Variants in SPAG16 observed in about 807,000 individuals in gnomAD.
SPAG16 encodes sperm associated antigen 16, also known as sperm-associated antigen 16 protein.
Under a neutral mutation model 80.4 loss-of-function variants are expected in SPAG16, and 86 were observed. The observed-to-expected ratio is 1.07, with a 90% CI of 0.90 to 1.28. The LOEUF (loss-of-function observed/expected upper bound fraction) is 1.28. Ranked by LOEUF, SPAG16 falls within the 50% of genes most tolerant of loss-of-function variation. The probability of loss-of-function intolerance (pLI) is 0.00; values close to 1 mark genes in which losing one functional copy is unlikely to be tolerated. For missense variants in SPAG16, 870 were observed against 765.3 expected (o/e 1.14, Z -1.61); for synonymous variants, 294 against 265.9 (o/e 1.11, Z -1.03).
At chr2:213,916,998 A>T (rs570144484) in intron 11 of SPAG16, among the ~76,000 whole-genome samples, 2 of 152,116 alleles carry the variant, frequency 1.3e-5, no homozygotes, top group African/African-American at 2.4e-5. Flanking sequence ...GTCCAGTGTC[A>T]ATCTTTTGCA....
At chr2:214,098,081 C>T (rs1025262098) in intron 13 of SPAG16, among the ~76,000 whole-genome samples, 11 of 152,160 alleles carry the variant, frequency 7.2e-5, no homozygotes, top group African/African-American at 2.6e-4. Flanking sequence ...ATATCCAAGT[C>T]TGTTTAGATA....
intron 10 of SPAG16, among the ~76,000 whole-genome samples, chr2:213,792,644 C>A (rs2070776310): frequency 1.6e-5 from 2 of 125,532 alleles, no homozygotes; most frequent in African/African-American, 6.1e-5. Context: ...AGTGCAGTGG[C>A]TTGATCCTGG....
chr2:214,140,158 C>A (rs1436997602), intron 14 of SPAG16, among the ~76,000 whole-genome samples: 4 of 152,092 alleles, frequency 2.6e-5, no homozygotes, highest in East Asian at 1.9e-4. Flanking sequence ...CTCATGGGCT[C>A]AGAATAAATC....
chr2:213,717,880 A>G (rs1436285636), intron 10 of SPAG16, among the ~76,000 whole-genome samples: 1 of 152,174 alleles, frequency 6.6e-6, no homozygotes, highest in Non-Finnish European at 1.5e-5. Context: ...CATAAGACCC[A>G]AAACCATAAA....
intron 5 of SPAG16, among the ~76,000 whole-genome samples, chr2:213,324,210 CATTCTT>C (rs2126159021): frequency 6.6e-6 from 1 of 152,204 alleles, no homozygotes; most frequent in South Asian, 2.1e-4. Flanking sequence ...CTACTTTTGT[CATTCTT>C]ATTTCACTTC....
chr2:213,306,860 T>C (rs2062961574), intron 3 of SPAG16, among the ~76,000 whole-genome samples: 2 of 152,332 alleles, frequency 1.3e-5, no homozygotes, highest in African/African-American at 4.8e-5. Context: ...CTCAAGACTG[T>C]CTTTTCTGCC....
At chr2:214,361,433 T>C (rs1339681018) in intron 15 of SPAG16, among the ~76,000 whole-genome samples, 1 of 151,844 alleles carries the variant, frequency 6.6e-6, no homozygotes. Context: ...GGCCTTTGTT[T>C]CTAAGCTTAT....
intron 10 of SPAG16, among the ~76,000 whole-genome samples, chr2:213,861,242 G>T (rs759415017): frequency 1.5e-4 from 23 of 152,094 alleles, no homozygotes; most frequent in Non-Finnish European, 2.9e-4. Context: ...AAACTGTGTA[G>T]GTCTAATTTA....
chr2:213,921,766 A>G (rs1299375035), intron 11 of SPAG16, among the ~76,000 whole-genome samples: 1 of 152,158 alleles, frequency 6.6e-6, no homozygotes, highest in Non-Finnish European at 1.5e-5. Flanking sequence ...TTTGAAAATG[A>G]TCTTATTTCT....
At chr2:213,466,560 A>G (rs982631640) in intron 9 of SPAG16, among the ~76,000 whole-genome samples, 2 of 152,098 alleles carry the variant, frequency 1.3e-5, no homozygotes, top group East Asian at 3.9e-4. Context: ...AGGAGGGGAA[A>G]GTAGGAGATG....
chr2:214,108,108 A>G (rs917022068), intron 13 of SPAG16, 88 bp from the exon 14 acceptor site: 23 of 1,033,354 alleles, frequency 2.2e-5, no homozygotes, highest in South Asian at 4.7e-5. Context: ...GGGGCTAAAA[A>G]TTACTTTAAA....
At chr2:214,353,424 C>A (rs752248653) in intron 15 of SPAG16, among the ~76,000 whole-genome samples, 7 of 152,148 alleles carry the variant, frequency 4.6e-5, no homozygotes, top group Non-Finnish European at 8.8e-5. Context: ...TTCAAACCTA[C>A]AATTTAGTTT....
At chr2:213,854,734 G>A (rs959868165) in intron 10 of SPAG16, among the ~76,000 whole-genome samples, 1 of 152,222 alleles carries the variant, frequency 6.6e-6, no homozygotes, top group Admixed American at 6.5e-5. Flanking sequence ...ATCCAAGAAT[G>A]TCTAGCTAGC....
chr2:214,288,815 C>T (rs929085674), intron 15 of SPAG16, among the ~76,000 whole-genome samples: 4 of 150,860 alleles, frequency 2.7e-5, no homozygotes, highest in African/African-American at 9.7e-5. Flanking sequence ...GTCACCCAGG[C>T]TGGAGTGCAG....
chr2:214,254,342 G>A (rs1346056315), intron 15 of SPAG16, among the ~76,000 whole-genome samples: 1 of 152,134 alleles, frequency 6.6e-6, no homozygotes, highest in African/African-American at 2.4e-5. Flanking sequence ...AGTGGTAAGA[G>A]GGGGCATCCT....
intron 10 of SPAG16, among the ~76,000 whole-genome samples, chr2:213,848,340 T>C (rs2074732028): frequency 6.6e-6 from 1 of 152,198 alleles, no homozygotes; most frequent in Admixed American, 6.5e-5. Context: ...CAGAGATAAC[T>C]GCATGGAAGT....
rs1252281331 is a variant in SPAG16, at chr2:213,800,327, C to CCTCCCACT, written c.1071-62153_1071-62152insACTCTCCC. On this transcript the variant is annotated intron_variant, in intron 10 of 15. Coordinates refer to ENST00000331683, the MANE Select transcript of SPAG16 (RefSeq NM_024532.5). ...CCCTTTCTCCTTCCCTCCCTCCCTC[C>CCTCCCACT]CTCCCTCTCTCCCTCTCTCCCTCTC... 7.5e-3 allele frequency among the ~76,000 whole-genome samples: 970 copies of CCTCCCACT among 128,704 alleles called. 18 individuals are homozygous for CCTCCCACT. The highest frequency in any genetic ancestry group is 0.028 in the African/African-American group (927 of 33,318). 84.4% of individuals were successfully genotyped at this position (128,704 alleles called of 152,430 possible).
intron 10 of SPAG16, among the ~76,000 whole-genome samples, chr2:213,678,155 A>G (rs1388566551): frequency 6.6e-6 from 1 of 152,180 alleles, no homozygotes; most frequent in Admixed American, 6.6e-5. Flanking sequence ...AAATGCCCAC[A>G]AGAGAAAGCA....
At chr2:213,718,882 C>T (rs577819265) in intron 10 of SPAG16, among the ~76,000 whole-genome samples, 14 of 152,284 alleles carry the variant, frequency 9.2e-5, no homozygotes, top group South Asian at 8.3e-4. Flanking sequence ...TGCGAGCACA[C>T]GGCGCAGGAC....
Sources: allele counts gnomAD v4.1 joint callset (sites outside exome capture counted in the v4.1 genomes callset), GRCh38; gene constraint gnomAD v4.1.1; transcripts MANE v1.5; gene names NCBI Gene and HGNC (gene_info 2026-07-23, HGNC 2026-07-21).